PLEKHA5: variants seen among roughly 807,000 people sequenced by gnomAD.
PLEKHA5 encodes pleckstrin homology domain-containing family A member 5.
A neutral mutation model predicts 181.9 loss-of-function variants in PLEKHA5; 55 were observed. The observed-to-expected ratio is 0.30, with a 90% CI of 0.24 to 0.38. PLEKHA5 has a LOEUF of 0.38. Among genes scored for constraint, PLEKHA5 ranks in the 10% least tolerant of loss-of-function variants. PLEKHA5 has a pLI of 1.00. For missense variants in PLEKHA5, 1,432 were observed against 1,549.5 expected (o/e 0.92, Z 1.27); for synonymous variants, 535 against 529.4 (o/e 1.01, Z -0.15).
chr12:19,245,346 CACAG>C (rs1412867670), intron 3 of PLEKHA5, among the ~76,000 whole-genome samples: 4 of 152,082 alleles, frequency 2.6e-5, no homozygotes, highest in African/African-American at 9.7e-5. Context: ...CTAGGTCGGC[CACAG>C]ACAAAGTTGT....
chr12:19,315,008 T>G, intron 16 of PLEKHA5, 114 bp downstream of exon 16: 1 of 665,140 alleles, frequency 1.5e-6, no homozygotes, highest in Non-Finnish European at 2.7e-6. Context: ...TATTTTATTT[T>G]TTGTTTATGT....
At chr12:19,317,921 C>T (rs889274005) in intron 16 of PLEKHA5, among the ~76,000 whole-genome samples, 6 of 67,512 alleles carry the variant, frequency 8.9e-5, no homozygotes, top group Admixed American at 2.0e-4. Context: ...CAAACCAAAC[C>T]TTTTTTTTTT....
chr12:19,278,313 C>A (rs1477644060), intron 11 of PLEKHA5, among the ~76,000 whole-genome samples: 2 of 151,944 alleles, frequency 1.3e-5, no homozygotes, highest in Non-Finnish European at 2.9e-5. Context: ...AGGGTCCAAC[C>A]CAAACATTAT....
chr12:19,368,411 C>T (rs1037724770), intron 30 of PLEKHA5, among the ~76,000 whole-genome samples: 3 of 151,690 alleles, frequency 2.0e-5, no homozygotes, highest in Non-Finnish European at 2.9e-5. Flanking sequence ...GGAGGATCAC[C>T]TGAGCCCAGG....
intron 3 of PLEKHA5, among the ~76,000 whole-genome samples, chr12:19,212,835 G>GTT (rs11290352): frequency 2.2e-5 from 3 of 138,144 alleles, no homozygotes; most frequent in Admixed American, 7.2e-5. Flanking sequence ...TTTTTTTGTT[G>GTT]TTTTTTTTTT....
intron 3 of PLEKHA5, among the ~76,000 whole-genome samples, chr12:19,181,660 C>T (rs2048618563): frequency 6.6e-6 from 1 of 152,034 alleles, no homozygotes; most frequent in African/African-American, 2.4e-5. Flanking sequence ...CCTGTAATCC[C>T]AGCTGCTCGG....
At chr12:19,218,064 G>A (rs1029455745) in intron 3 of PLEKHA5, among the ~76,000 whole-genome samples, 1 of 152,154 alleles carries the variant, frequency 6.6e-6, no homozygotes, top group African/African-American at 2.4e-5. Flanking sequence ...ACCACAGGTG[G>A]TTGAGAGAAG....
intron 8 of PLEKHA5, among the ~76,000 whole-genome samples, chr12:19,268,320 T>C (rs2071262334): frequency 1.3e-5 from 2 of 152,218 alleles, no homozygotes; most frequent in Non-Finnish European, 2.9e-5. Context: ...CAAATGTTTA[T>C]CAATTTATGC....
At chr12:19,340,432 A>T (rs1485063338) in intron 21 of PLEKHA5, among the ~76,000 whole-genome samples, 7 of 42,410 alleles carry the variant, frequency 1.7e-4, no homozygotes, top group Non-Finnish European at 5.7e-4. Context: ...CTGCCCGGCC[A>T]CCACCCCGTC....
chr12:19,322,235 C>A (rs1428527874), intron 18 of PLEKHA5, 75 bp from the exon 19 acceptor site: 5 of 827,002 alleles, frequency 6.0e-6, no homozygotes, highest in South Asian at 1.5e-5. Flanking sequence ...GATTTTTGGT[C>A]ATATAATGAC....
chr12:19,193,334 G>A (rs1267779904), intron 3 of PLEKHA5, among the ~76,000 whole-genome samples: 2 of 152,180 alleles, frequency 1.3e-5, no homozygotes, highest in Non-Finnish European at 2.9e-5. Flanking sequence ...TAGACCCCAT[G>A]TTGGGAACAC....
intron 3 of PLEKHA5, among the ~76,000 whole-genome samples, chr12:19,244,969 A>G (rs2063382465): frequency 6.6e-6 from 1 of 152,168 alleles, no homozygotes; most frequent in Non-Finnish European, 1.5e-5. Flanking sequence ...TGCCCATGAA[A>G]TAGAGATTTA....
chr12:19,307,957 G>A (rs2084718229), intron 15 of PLEKHA5, among the ~76,000 whole-genome samples: 2 of 151,160 alleles, frequency 1.3e-5, no homozygotes, highest in Admixed American at 1.3e-4. Context: ...GAGAGAAATA[G>A]GTATGAAAGA....
In PLEKHA5 at chr12:19,369,708, C is replaced by T. The variant is rs1458261848; in HGVS notation, c.3770C>T (p.Pro1257Leu). 5 of 1,609,688 alleles carry T rather than the reference C, an allele frequency of 3.1e-6. No homozygotes were observed. In the African/African-American group the frequency reaches 4.0e-5, roughly 13 times the overall value. ...TGTGTTTTAGTGAAAAGTCTGTCCC[C>T]ATCTCCTGAGTCCTCGGCATCGCCA... ...NQTMAVKSLSPSPESSASPVP... is the reference protein window; with the variant it reads ...NQTMAVKSLSLSPESSASPVP... Residue 1257 changes from proline (P) to leucine (L), a missense_variant, in exon 31 of 32, where the codon CCA becomes CTA. By Grantham distance (98) the Pro-to-Leu change is moderately conservative. Transcript: ENST00000429027.
At chr12:19,183,626 T>G (rs2049110148) in intron 3 of PLEKHA5, among the ~76,000 whole-genome samples, 1 of 152,228 alleles carries the variant, frequency 6.6e-6, no homozygotes, top group African/African-American at 2.4e-5. Context: ...GTTCTCAGTC[T>G]GCTCTGCCCC....
chr12:19,191,110 G>T (rs913539274), intron 3 of PLEKHA5, among the ~76,000 whole-genome samples: 1 of 152,104 alleles, frequency 6.6e-6, no homozygotes, highest in Admixed American at 6.6e-5. Context: ...ATACTAAAAT[G>T]AAAATACTTT....
chr12:19,354,606 A>G (rs1025447894), intron 26 of PLEKHA5, among the ~76,000 whole-genome samples: 46 of 138,384 alleles, frequency 3.3e-4, no homozygotes, highest in African/African-American at 1.2e-3. Context: ...TCAGCCTCCC[A>G]AGTAGCTGGG....
intron 3 of PLEKHA5, chr12:19,154,684 G>C (rs1591833068): frequency 6.6e-6 from 1 of 152,256 alleles, no homozygotes; most frequent in African/African-American, 2.4e-5. Context: ...TGTATTCATT[G>C]ATGGAAGCAG....
At chr12:19,196,405 A>T (rs888982831) in intron 3 of PLEKHA5, among the ~76,000 whole-genome samples, 23 of 152,230 alleles carry the variant, frequency 1.5e-4, no homozygotes, top group Non-Finnish European at 8.8e-5. Flanking sequence ...TAATTTTTCC[A>T]ATAGAGCATT....
Sources: gnomAD v4.1 joint callset for allele counts (sites outside exome capture counted in the v4.1 genomes callset) on GRCh38, gnomAD v4.1.1 for gene constraint, MANE v1.5 for transcripts, NCBI Gene and HGNC (gene_info 2026-07-23, HGNC 2026-07-21) for gene names.